ALMS1: variants seen among roughly 807,000 people sequenced by gnomAD.
The protein encoded by ALMS1 is ALMS1 centrosome and basal body associated protein.
In ALMS1, 271 loss-of-function variants were observed where a neutral mutation model predicts 352.2. The ratio of observed to expected loss-of-function variants is 0.77; its 90% CI spans 0.70 to 0.85. The LOEUF (loss-of-function observed/expected upper bound fraction) is 0.85, where lower values mean the gene tolerates loss of function less well. ALMS1 is among the 40% of genes least tolerant of loss of function. The pLI, the probability that ALMS1 is intolerant of heterozygous loss-of-function variation, is 0.00. For missense variants in ALMS1, 5,445 were observed against 4,870.7 expected (o/e 1.12, Z -3.51); for synonymous variants, 1,865 against 1,761.2 (o/e 1.06, Z -1.48).
chr2:73,462,634 A>C (rs1467215617), intron 9 of ALMS1, among the ~76,000 whole-genome samples: 1 of 152,236 alleles, frequency 6.6e-6, no homozygotes, highest in African/African-American at 2.4e-5. Context: ...AATGGACTAA[A>C]TGCTCCAATT....
intron 1 of ALMS1, among the ~76,000 whole-genome samples, chr2:73,399,130 C>A (rs1383632113): frequency 6.6e-6 from 1 of 152,174 alleles, no homozygotes; most frequent in Admixed American, 6.5e-5. Context: ...GGATTACAGG[C>A]GTGAGCCACT....
At chr2:73,557,430 CAG>C (rs1241486258) in intron 14 of ALMS1, 76 bp downstream of exon 14, 5 of 1,578,192 alleles carry the variant, frequency 3.2e-6, no homozygotes, top group South Asian at 2.2e-5. Context: ...AGAACAGAAA[CAG>C]AAATATATTC....
At chr2:73,559,895 G>T (rs1475328430) in intron 15 of ALMS1, among the ~76,000 whole-genome samples, 2 of 152,134 alleles carry the variant, frequency 1.3e-5, no homozygotes, top group African/African-American at 4.8e-5. Context: ...AAGGGTTAGT[G>T]ACATACATGT....
chr2:73,541,347 A>G (rs1222609413), intron 12 of ALMS1, among the ~76,000 whole-genome samples: 2 of 152,236 alleles, frequency 1.3e-5, no homozygotes, highest in East Asian at 1.9e-4. Context: ...ACAACATACC[A>G]CAATCTCTGG....
chr2:73,530,600 C>T (rs910545025), intron 11 of ALMS1, among the ~76,000 whole-genome samples: 1 of 152,166 alleles, frequency 6.6e-6, no homozygotes, highest in Non-Finnish European at 1.5e-5. Context: ...GGATGGTGGC[C>T]CTCTTCTCAC....
At chr2:73,515,669 A>G (rs548909283) in intron 10 of ALMS1, among the ~76,000 whole-genome samples, 2 of 152,086 alleles carry the variant, frequency 1.3e-5, no homozygotes, top group Non-Finnish European at 2.9e-5. Context: ...AGAATAAACA[A>G]GATTGACAGA....
intron 16 of ALMS1, among the ~76,000 whole-genome samples, chr2:73,591,254 G>A (rs1675427167): frequency 6.6e-6 from 1 of 152,090 alleles, no homozygotes; most frequent in African/African-American, 2.4e-5. Context: ...CTTTACTTTT[G>A]ATACTTTTTG....
chr2:73,573,716 C>T (rs750414628), intron 16 of ALMS1: 5 of 582,824 alleles, frequency 8.6e-6, no homozygotes, highest in Admixed American at 3.0e-5. Flanking sequence ...AGAATGATCT[C>T]TATCCTGAAC....
chr2:73,471,515 C>G (rs1466821042), intron 9 of ALMS1, among the ~76,000 whole-genome samples: 1 of 122,130 alleles, frequency 8.2e-6, no homozygotes, highest in South Asian at 2.3e-4. Flanking sequence ...AAAAAATCCC[C>G]AAAACAAAAA....
intron 10 of ALMS1, among the ~76,000 whole-genome samples, chr2:73,508,141 CCCTTT>C (rs376391271): frequency 0.058 from 8,530 of 146,590 alleles, 283 homozygotes; most frequent in African/African-American, 0.075. Flanking sequence ...CTTTCCCTTT[CCCTTT>C]CCTTTCCTTT....
chr2:73,453,876 T>C lies in ALMS1; in HGVS notation c.7349T>C (p.Val2450Ala). The change falls in exon 8 of 23, where the codon GTT (valine) becomes GCT (alanine). Residue 2450 changes from valine to alanine, a missense_variant. Val to Ala is a moderately conservative substitution (Grantham distance 64, BLOSUM62 0). Coordinates refer to ENST00000613296, the MANE Select transcript of ALMS1 (RefSeq NM_001378454.1). ...GTTCTTCTAAACTTCTTTCCATATG[T>C]TTCACCCAAGACAAGTATAACAGAT... is the stretch of plus-strand genomic sequence containing the variant. ...SDVLLNFFPY[V>A]SPKTSITDSR... 6.2e-7 allele frequency: 1 copy of C among 1,614,076 alleles called. No individual in the cohort carries two copies. The highest frequency in any genetic ancestry group is 8.5e-7 in the Non-Finnish European group (1 of 1,180,000).
chr2:73,404,899 C>CTTTTTTTTTTTTTTTTTTT lies in ALMS1; in HGVS notation c.325-3711_325-3693dup, dbSNP rs58122480. Among the ~76,000 whole-genome samples, 16 of 60,788 alleles carry CTTTTTTTTTTTTTTTTTTT rather than the reference C, an allele frequency of 2.6e-4. 2 individuals are homozygous for CTTTTTTTTTTTTTTTTTTT. The highest frequency in any genetic ancestry group is 1.5e-3 in the African/African-American group (14 of 9,330). 39.9% of individuals were successfully genotyped at this position (60,788 alleles called of 152,430 possible). ...CCAGTGAAGCTTTCTTGTCCTGGAC[C>CTTTTTTTTTTTTTTTTTTT]TTTTTTTTTTTTTTTTTTTTTTTTT... is the stretch of plus-strand genomic sequence containing the variant. On this transcript the variant is annotated intron_variant, in intron 1 of 22. Coordinates refer to ENST00000613296, the MANE Select transcript of ALMS1 (RefSeq NM_001378454.1).
chr2:73,490,093 A>G lies in ALMS1; in HGVS notation c.8134A>G (p.Thr2712Ala), dbSNP rs765519997. ...MPSPEPMKKF[T>A]TSITFSSHRH... Reference sequence around the variant, plus strand: ...GTCCCCAGAACCCATGAAAAAGTTTACTACCTCCATCACTTTTTCATCTCA... The same window carrying G: ...GTCCCCAGAACCCATGAAAAAGTTTGCTACCTCCATCACTTTTTCATCTCA... Residue 2712 changes from threonine to alanine, a missense_variant, in exon 10 of 23, where the codon ACT becomes GCT. Thr to Ala is a moderately conservative substitution (Grantham distance 58). Transcript: ENST00000613296. The G allele has an allele frequency of 3.1e-6, 5 of 1,614,066 alleles. No homozygotes were observed. The African/African-American group carries it at 4.0e-5, about 13-fold the overall frequency.
intron 9 of ALMS1, among the ~76,000 whole-genome samples, chr2:73,471,382 G>A (rs1672464570): frequency 6.7e-6 from 1 of 149,898 alleles, no homozygotes; most frequent in African/African-American, 2.5e-5. Context: ...AAAGAAAACA[G>A]TTAAGAGACT....
intron 10 of ALMS1, among the ~76,000 whole-genome samples, chr2:73,504,988 C>T (rs1673292325): frequency 6.6e-6 from 1 of 152,168 alleles, no homozygotes; most frequent in South Asian, 2.1e-4. Context: ...GTTTTCTATT[C>T]CTGTGTTAGT....
At chr2:73,506,033 A>G (rs1176635195) in intron 10 of ALMS1, among the ~76,000 whole-genome samples, 6 of 152,162 alleles carry the variant, frequency 3.9e-5, no homozygotes, top group East Asian at 1.9e-4. Flanking sequence ...TCCCAGCACT[A>G]TTTATTAAAT....
At chr2:73,458,546 A>T (rs1672121115) in intron 9 of ALMS1, 1 of 152,248 alleles carries the variant, frequency 6.6e-6, no homozygotes, top group African/African-American at 2.4e-5. Context: ...TAAATGTCAG[A>T]TGGTGGGATA....
At chr2:73,494,767 A>G (rs908709461) in intron 10 of ALMS1, among the ~76,000 whole-genome samples, 1 of 152,218 alleles carries the variant, frequency 6.6e-6, no homozygotes, top group Non-Finnish European at 1.5e-5. Flanking sequence ...TCACTTGGCT[A>G]AAGTGGTATC....
At chr2:73,573,595 CATT>C (rs1674991833) in intron 16 of ALMS1, 171 bp downstream of exon 16, 2 of 726,824 alleles carry the variant, frequency 2.8e-6, no homozygotes, top group East Asian at 5.4e-5. Context: ...TGTGAGTTGT[CATT>C]ATTTTCATCA....
Sources: allele counts gnomAD v4.1 joint callset (sites outside exome capture counted in the v4.1 genomes callset), GRCh38; gene constraint gnomAD v4.1.1; transcripts MANE v1.5; gene names NCBI Gene and HGNC (gene_info 2026-07-23, HGNC 2026-07-21).